Variants in GPNMB observed in about 807,000 individuals in gnomAD.
The protein encoded by GPNMB is glycoprotein nmb, also known as transmembrane glycoprotein NMB.
A neutral mutation model predicts 57.3 loss-of-function variants in GPNMB; 71 were observed. That is an observed-to-expected ratio of 1.24 (90% CI 1.02 to 1.51). The LOEUF (loss-of-function observed/expected upper bound fraction) is 1.51, where lower values mean the gene tolerates loss of function less well. Ranked by LOEUF, GPNMB falls within the 40% of genes most tolerant of loss-of-function variation. GPNMB has a pLI of 0.00. For missense variants in GPNMB, 677 were observed against 691.9 expected (o/e 0.98, Z 0.24); for synonymous variants, 253 against 263.2 (o/e 0.96, Z 0.38).
In GPNMB at chr7:23,260,093, G is replaced by A. The variant is rs1380066975; in HGVS notation, c.655G>A (p.Ala219Thr). ...GACTGTCTACAGAAGACATGGACGGGCATATGTTCCCATCGCACAAGTGAA... is the reference window on the plus strand; with the variant it reads ...GACTGTCTACAGAAGACATGGACGGACATATGTTCCCATCGCACAAGTGAA... Reference protein sequence around the residue: ...EVTVYRRHGRAYVPIAQVKDV... With the variant: ...EVTVYRRHGRTYVPIAQVKDV... The change falls in exon 5 of 11, where the codon GCA becomes ACA. Residue 219 changes from alanine to threonine, a missense_variant. Ala to Thr is a moderately conservative substitution (Grantham distance 58). Coordinates refer to ENST00000258733, the MANE Select transcript of GPNMB (RefSeq NM_002510.3). 6.2e-6 allele frequency: 10 copies of A among 1,614,004 alleles called. No homozygotes were observed. Among genetic ancestry groups the A allele is most frequent in the East Asian group, 2.2e-5 (1 of 44,888 alleles).
In GPNMB at chr7:23,260,484, C is replaced by G. The variant is rs1423691246; in HGVS notation, c.729C>G (p.Phe243Leu). ...AGATTCCTGTGTTTGTGACTATGTT[C>G]CAGAAGAACGATCGAAATTCATCCG... ...TDQIPVFVTM[F>L]QKNDRNSSDE... Residue 243 changes from phenylalanine (F) to leucine (L), a missense_variant, in exon 6 of 11, where the codon TTC (phenylalanine) becomes TTG (leucine). Transcript: ENST00000258733. 1 of 1,613,130 alleles carries G rather than the reference C, an allele frequency of 6.2e-7. No individual in the cohort carries two copies. The highest frequency in any genetic ancestry group is 8.5e-7 in the Non-Finnish European group (1 of 1,179,328).
chr7:23,250,914 G>A (rs1782645879), intron 1 of GPNMB: 1 of 152,052 alleles, frequency 6.6e-6, no homozygotes. Flanking sequence ...TAAAATGAAG[G>A]GATTTGAACT....
rs1782900075 is a variant in GPNMB at position 23,260,717 on chromosome 7, G to C, written c.962G>C (p.Gly321Ala). Residue 321 changes from glycine (G) to alanine (A), a missense_variant, in exon 6 of 11, where the codon GGA (glycine) becomes GCA (alanine). Coordinates refer to ENST00000258733, the MANE Select transcript of GPNMB (RefSeq NM_002510.3). ...LNLTVKAAAP[G>A]PCPPPPPPPR... The stretch of plus-strand genomic sequence containing the variant: ...CTCACTGTGAAAGCTGCAGCACCAG[G>C]ACCTTGTCCGCCACCGCCACCACCA... 1 of 1,598,186 alleles carries C rather than the reference G, an allele frequency of 6.3e-7. No homozygotes were observed. The highest frequency in any genetic ancestry group is 8.6e-7 in the Non-Finnish European group (1 of 1,169,452).
intron 1 of GPNMB, chr7:23,247,180 A>G (rs1782551078): frequency 2.0e-6 from 1 of 493,804 alleles, no homozygotes; most frequent in African/African-American, 1.9e-5. Context: ...CTTCTTTTCC[A>G]TTGCAATTGC....
Position 23,260,522 on chromosome 7 carries a change from T to G in GPNMB, c.767T>G (p.Leu256Arg). The G allele has an allele frequency of 6.2e-7, 1 of 1,613,870 alleles. No individual in the cohort carries two copies. The highest frequency in any genetic ancestry group is 8.5e-7 in the Non-Finnish European group (1 of 1,179,798). The change falls in exon 6 of 11, where the codon CTC becomes CGC. Residue 256 changes from leucine (L) to arginine (R), a missense_variant. Leu to Arg is a moderately radical substitution (Grantham distance 102, BLOSUM62 -2). Transcript: ENST00000258733. ...NDRNSSDETF[L>R]KDLPIMFDVL... Reference sequence around the variant, plus strand: ...CGAAATTCATCCGACGAAACCTTCCTCAAAGATCTCCCCATTATGTTTGAT... The same window carrying G: ...CGAAATTCATCCGACGAAACCTTCCGCAAAGATCTCCCCATTATGTTTGAT...
intron 1 of GPNMB, among the ~76,000 whole-genome samples, chr7:23,249,895 A>G (rs979388214): frequency 2.0e-5 from 3 of 152,190 alleles, no homozygotes; most frequent in Admixed American, 2.0e-4. Flanking sequence ...TGGCTGTACC[A>G]TTTTACATTT....
intron 6 of GPNMB, among the ~76,000 whole-genome samples, chr7:23,263,469 G>T (rs1262517400): frequency 6.6e-6 from 1 of 151,914 alleles, no homozygotes; most frequent in Admixed American, 6.6e-5. Flanking sequence ...AAAATTAGCC[G>T]GGTGTGGTGG....
At chr7:23,266,831 C>T (rs1415735131) in intron 7 of GPNMB, among the ~76,000 whole-genome samples, 3 of 152,236 alleles carry the variant, frequency 2.0e-5, no homozygotes, top group Admixed American at 1.3e-4. Context: ...GGAAACAAGC[C>T]TTCTGTGAAG....
intron 6 of GPNMB, among the ~76,000 whole-genome samples, chr7:23,261,661 TA>T (rs1344728202): frequency 4.6e-5 from 7 of 151,940 alleles, no homozygotes; most frequent in Admixed American, 2.6e-4. Flanking sequence ...GGGATGGCAT[TA>T]ACAGAAATAC....
chr7:23,253,374 C>T lies in GPNMB; in HGVS notation c.138C>T (p.Gly46=). The change falls in exon 2 of 11, where the codon GGC becomes GGT. Residue 46 remains glycine (G), a synonymous_variant. Transcript: ENST00000258733. Reference sequence around the variant, plus strand: ...TGAGGGAGCACAATCAATTAAATGGCTGGTCTTCTGATGAAAATGACTGGA... The same window carrying T: ...TGAGGGAGCACAATCAATTAAATGGTTGGTCTTCTGATGAAAATGACTGGA... The part of the protein sequence containing the change: ...AYMREHNQLN[G]WSSDENDWNE... 1 of 1,613,570 alleles carries T rather than the reference C, an allele frequency of 6.2e-7. No individual in the cohort carries two copies.
At chr7:23,263,111 A>T (rs142698582) in intron 6 of GPNMB, among the ~76,000 whole-genome samples, 42 of 152,326 alleles carry the variant, frequency 2.8e-4, no homozygotes, top group African/African-American at 1.0e-3. Flanking sequence ...TAAATTACAG[A>T]TGCTTTTAAT....
At chr7:23,264,404 G>T (rs1415637157) in intron 6 of GPNMB, among the ~76,000 whole-genome samples, 2 of 151,072 alleles carry the variant, frequency 1.3e-5, no homozygotes, top group Non-Finnish European at 2.9e-5. Context: ...ATAGAGTCTT[G>T]CTCTGTTGCC....
chr7:23,246,963 T>A, intron 1 of GPNMB, 36 bp downstream of exon 1: 1 of 1,478,422 alleles, frequency 6.8e-7, no homozygotes, highest in South Asian at 1.1e-5. Flanking sequence ...TAACCCATTC[T>A]CTGGCCATTG....
chr7:23,274,402 G>T lies in GPNMB; in HGVS notation c.*178G>T. The T allele has an allele frequency of 1.9e-6, 1 of 519,966 alleles. No individual in the cohort carries two copies. The allele number at this position is 519,966 out of a possible 1,614,324, so 32.2% of individuals were successfully genotyped here. On this transcript the variant is annotated 3_prime_UTR_variant, in exon 11 of 11. Coordinates refer to ENST00000258733, the MANE Select transcript of GPNMB (RefSeq NM_002510.3). ...GATGGGGAGAGGGATTATACTGCAG[G>T]CAGCTTCAGCCATGTTGTGAAACTG... is the stretch of plus-strand genomic sequence containing the variant.
intron 6 of GPNMB, among the ~76,000 whole-genome samples, chr7:23,265,569 A>T (rs973274565): frequency 6.6e-6 from 1 of 152,128 alleles, no homozygotes; most frequent in Non-Finnish European, 1.5e-5. Context: ...TCATCACAGT[A>T]AGACTTTTAG....
chr7:23,254,738 G>T (rs142730202), intron 3 of GPNMB, among the ~76,000 whole-genome samples: 1 of 152,306 alleles, frequency 6.6e-6, no homozygotes, highest in Non-Finnish European at 1.5e-5. Context: ...TGTGTAGCTG[G>T]CGCAAATGCT....
chr7:23,274,305 T>A lies in GPNMB; in HGVS notation c.*81T>A. The A allele has an allele frequency of 9.7e-7, 1 of 1,029,532 alleles. No homozygotes were observed. The highest frequency in any genetic ancestry group is 1.5e-6 in the Non-Finnish European group (1 of 684,086). 63.8% of individuals were successfully genotyped at this position (1,029,532 alleles called of 1,614,324 possible). A position where few individuals can be genotyped will look rare whatever the true frequency, so the allele number is the denominator to read the frequency against. Reference sequence around the variant, plus strand: ...GGAGTGGCTATTAACCTTTTTTTCCTAAAGATTATTGTTAAATAGATATTG... The same window carrying A: ...GGAGTGGCTATTAACCTTTTTTTCCAAAAGATTATTGTTAAATAGATATTG... On this transcript the variant is annotated 3_prime_UTR_variant, in exon 11 of 11. Coordinates refer to ENST00000258733, the MANE Select transcript of GPNMB (RefSeq NM_002510.3).
intron 7 of GPNMB, 31 bp downstream of exon 7, chr7:23,266,646 G>T (rs1412797890): frequency 1.9e-6 from 3 of 1,607,424 alleles, no homozygotes; most frequent in East Asian, 2.2e-5. Flanking sequence ...CAGTGAGGAA[G>T]GATGCTAGAC....
intron 4 of GPNMB, chr7:23,257,739 T>C (rs1427202255): frequency 6.6e-6 from 1 of 152,196 alleles, no homozygotes; most frequent in Admixed American, 6.5e-5. Flanking sequence ...GATTCTTTAG[T>C]TTTTTTATGT....
Sources: gnomAD v4.1 joint callset for allele counts (sites outside exome capture counted in the v4.1 genomes callset) on GRCh38, gnomAD v4.1.1 for gene constraint, MANE v1.5 for transcripts, NCBI Gene and HGNC (gene_info 2026-07-23, HGNC 2026-07-21) for gene names.